CACNA1B: variants seen among roughly 807,000 people sequenced by gnomAD.
The protein encoded by CACNA1B is voltage-dependent N-type calcium channel subunit alpha-1B.
CACNA1B carries 70 observed loss-of-function variants against 247.2 expected under a neutral mutation model. The observed-to-expected ratio is 0.28, with a 90% CI of 0.23 to 0.35. CACNA1B has a LOEUF of 0.35. Among genes scored for constraint, CACNA1B ranks in the 10% least tolerant of loss-of-function variants. CACNA1B has a pLI of 1.00. For synonymous variants in CACNA1B, 1,231 were observed against 1,294.4 expected (o/e 0.95, Z 1.05); for missense variants, 2,367 against 3,197.4 (o/e 0.74, Z 6.26).
intron 11 of CACNA1B, 31 bp from the exon 12 acceptor site, chr9:137,975,876 G>T (rs1958214082): frequency 7.2e-7 from 1 of 1,380,270 alleles, no homozygotes; most frequent in African/African-American, 1.4e-5. Context: ...GAGGCCTCGA[G>T]CTAATCCCCC....
chr9:137,978,562 C>A (rs940064700), intron 12 of CACNA1B, among the ~76,000 whole-genome samples: 1 of 152,136 alleles, frequency 6.6e-6, no homozygotes, highest in Non-Finnish European at 1.5e-5. Flanking sequence ...GTGCCGCCCC[C>A]CAAGGGAGGG....
rs144291778 is a variant in CACNA1B, at chr9:138,000,393, T to C, written c.1975-6374T>C. On this transcript the variant is annotated intron_variant, in intron 15 of 46. Transcript: ENST00000371372. ...GATTACAGACATGAGCCACCGTGCCTGGCCAAAACATGCATTTTTATAGGA... is the reference window on the plus strand; with the variant it reads ...GATTACAGACATGAGCCACCGTGCCCGGCCAAAACATGCATTTTTATAGGA... 4.4e-3 allele frequency among the ~76,000 whole-genome samples: 671 copies of C among 152,298 alleles called. 7 individuals carry two copies. Among genetic ancestry groups the C allele is most frequent in the Middle Eastern group, 0.014 (4 of 294 alleles).
intron 23 of CACNA1B, among the ~76,000 whole-genome samples, chr9:138,048,136 A>T (rs894712237): frequency 6.6e-6 from 1 of 152,114 alleles, no homozygotes; most frequent in African/African-American, 2.4e-5. Flanking sequence ...TGAACACGTT[A>T]CCTCTGCTAT....
In CACNA1B at chr9:138,052,280, AGTGT is replaced by A. The variant is rs1291464470; in HGVS notation, c.3807+101_3807+104del. 2.9e-5 allele frequency: 18 copies of A among 624,796 alleles called. No homozygotes were observed. The South Asian group carries it at 3.2e-4, about 11-fold the overall frequency. The allele number at this position is 624,796 out of a possible 1,614,324, so 38.7% of individuals were successfully genotyped here. A position where few individuals can be genotyped will look rare whatever the true frequency, so the allele number is the denominator to read the frequency against. On this transcript the variant is annotated intron_variant, in intron 25 of 46. Coordinates refer to ENST00000371372, the MANE Select transcript of CACNA1B (RefSeq NM_000718.4). This position sits in a 1 kb window ranked among gnomAD's most constrained non-coding sequence, Gnocchi z 5.1. ...TGTGTGTGTATGCATGCAGTGCATG[AGTGT>A]GTGTGTGTTCACATCACACCCCTGT...
At chr9:138,097,880 C>T (rs1040233048) in intron 37 of CACNA1B, among the ~76,000 whole-genome samples, 2 of 152,182 alleles carry the variant, frequency 1.3e-5, no homozygotes, top group African/African-American at 2.4e-5. Flanking sequence ...CCTGGGAGCC[C>T]GACTAGACTT....
intron 13 of CACNA1B, among the ~76,000 whole-genome samples, chr9:137,985,147 G>GACCT (rs1958342063): frequency 6.6e-6 from 1 of 152,202 alleles, no homozygotes; most frequent in Non-Finnish European, 1.5e-5. Context: ...TGACCAAGAT[G>GACCT]ACCTCTCAGA....
Position 137,959,637 on chromosome 9 carries a change from C to T in CACNA1B, c.1333+1950C>T, listed in dbSNP as rs543632538. Among the ~76,000 whole-genome samples the T allele has an allele frequency of 1.4e-4, 21 of 151,808 alleles. No homozygotes were observed. In the East Asian group the frequency reaches 3.9e-3, roughly 28 times the overall value. On this transcript the variant is annotated intron_variant, in intron 10 of 46. Transcript: ENST00000371372. Reference sequence around the variant, plus strand: ...TGTGACTTAGGCTTTGTTAGGAAATCGCCCCGTTCTCAGGGTGTTGGGATC... The same window carrying T: ...TGTGACTTAGGCTTTGTTAGGAAATTGCCCCGTTCTCAGGGTGTTGGGATC...
chr9:138,017,406 G>A (rs778743080), intron 18 of CACNA1B, among the ~76,000 whole-genome samples: 2 of 152,226 alleles, frequency 1.3e-5, no homozygotes, highest in Non-Finnish European at 2.9e-5. Flanking sequence ...GACCCTCTGC[G>A]CTCAGCGCCT....
chr9:138,096,884 C>G (rs1326814329), intron 37 of CACNA1B, among the ~76,000 whole-genome samples: 1 of 149,944 alleles, frequency 6.7e-6, no homozygotes, highest in Non-Finnish European at 1.5e-5. Flanking sequence ...TTGGGAGGTA[C>G]CAGGAGTCAT....
intron 35 of CACNA1B, among the ~76,000 whole-genome samples, chr9:138,077,246 G>A (rs1026983204): frequency 6.6e-6 from 1 of 152,206 alleles, no homozygotes; most frequent in African/African-American, 2.4e-5. Context: ...CACGGAGGTG[G>A]GGACCCAGGC....
chr9:138,098,029 T>C (rs1274066039), intron 37 of CACNA1B, among the ~76,000 whole-genome samples: 1 of 152,186 alleles, frequency 6.6e-6, no homozygotes. Context: ...GGATGGGGCC[T>C]CTCCTGTCCA....
At chr9:138,087,785 A>C (rs1294698575) in intron 36 of CACNA1B, among the ~76,000 whole-genome samples, 3 of 151,696 alleles carry the variant, frequency 2.0e-5, no homozygotes, top group Non-Finnish European at 4.4e-5. Flanking sequence ...AAAAATAGAA[A>C]CACATGTCAT....
intron 40 of CACNA1B, among the ~76,000 whole-genome samples, chr9:138,113,972 C>G (rs949516589): frequency 1.3e-5 from 2 of 148,676 alleles, no homozygotes; most frequent in Non-Finnish European, 3.0e-5. Flanking sequence ...CCAACTCCTC[C>G]TTGTGGGAGA....
At position 138,119,254 on chromosome 9, in the gene CACNA1B, G is replaced by A. The variant is rs151259326; in HGVS notation, c.6030+486G>A. 7.2e-3 allele frequency among the ~76,000 whole-genome samples: 1,091 copies of A among 152,190 alleles called. 11 individuals carry two copies. The highest frequency in any genetic ancestry group is 0.025 in the African/African-American group (1,018 of 41,528). ...TTCTACCCAGCTCCTTGCTGGGCTC[G>A]CCTCTTTCTGGGACATGCACACTGG... is the stretch of plus-strand genomic sequence containing the variant. On this transcript the variant is annotated intron_variant, in intron 44 of 46. Transcript: ENST00000371372.
intron 41 of CACNA1B, among the ~76,000 whole-genome samples, 188 bp from the exon 42 acceptor site, chr9:138,115,364 T>A (rs1961816403): frequency 6.6e-6 from 1 of 152,308 alleles, no homozygotes; most frequent in East Asian, 1.9e-4. Context: ...CTTCACTGTT[T>A]TGGTCACATG....
In CACNA1B at chr9:137,913,206, T is replaced by G. The variant is rs1957376794; in HGVS notation, c.557T>G (p.Phe186Cys). Residue 186 changes from phenylalanine (F) to cysteine (C), a missense_variant, in exon 4 of 47, where the codon TTC becomes TGC. Phe to Cys is a radical substitution (Grantham distance 205). Coordinates refer to ENST00000371372, the MANE Select transcript of CACNA1B (RefSeq NM_000718.4). The surrounding 1 kb of genome is among the most constrained non-coding windows in gnomAD (Gnocchi z 5.2). ...ATCCTTGCCACGGCTGGAACTGACT[T>G]CGACCTGCGAACACTGAGGGCTGTG... is the stretch of plus-strand genomic sequence containing the variant. ...TGILATAGTDFDLRTLRAVRV... is the reference protein window; with the variant it reads ...TGILATAGTDCDLRTLRAVRV... The G allele has an allele frequency of 1.2e-6, 2 of 1,613,868 alleles. No homozygotes were observed.
intron 40 of CACNA1B, 72 bp downstream of exon 40, chr9:138,112,577 G>A: frequency 9.6e-7 from 1 of 1,040,426 alleles, no homozygotes; most frequent in Non-Finnish European, 1.5e-6. Context: ...GGAGGGCTGT[G>A]GAGGTGAGGG....
intron 36 of CACNA1B, among the ~76,000 whole-genome samples, chr9:138,095,467 C>T (rs1463954096): frequency 1.3e-5 from 2 of 152,056 alleles, no homozygotes; most frequent in Non-Finnish European, 2.9e-5. Flanking sequence ...TTGAAAATAA[C>T]AAGTGTCGAC....
At position 138,025,070 on chromosome 9, in the gene CACNA1B, C is replaced by T. The variant is rs1958903959; in HGVS notation, c.3184C>T (p.Arg1062Trp). ...EEQPEDADNQ[R>W]NVTRMGSQPP... ...ACAGCCAGAGGATGCAGACAATCAGCGGAACGTCACTCGCATGGGCAGTCA... is the reference window on the plus strand; with the variant it reads ...ACAGCCAGAGGATGCAGACAATCAGTGGAACGTCACTCGCATGGGCAGTCA... Residue 1062 changes from arginine (R) to tryptophan (W), a missense_variant, in exon 20 of 47, where the codon CGG becomes TGG. By Grantham distance (101) the Arg-to-Trp change is moderately radical. Around this residue, in one of 12 missense-constraint regions of CACNA1B, gnomAD observed 631 missense variants for 631.1 expected, o/e 1.00. Transcript: ENST00000371372. 3.1e-6 allele frequency: 5 copies of T among 1,612,728 alleles called. No individual in the cohort carries two copies. The highest frequency in any genetic ancestry group is 1.3e-5 in the African/African-American group (1 of 75,044).
Sources: gnomAD v4.1 joint callset for allele counts (sites outside exome capture counted in the v4.1 genomes callset) on GRCh38, gnomAD v4.1.1 for gene constraint, gnomAD v4.1.1 regional missense constraint, Gnocchi (gnomAD v3.1) non-coding constraint, MANE v1.5 for transcripts, NCBI Gene and HGNC (gene_info 2026-07-23, HGNC 2026-07-21) for gene names.